ROBO1: variants seen among roughly 807,000 people sequenced by gnomAD.
The protein encoded by ROBO1 is roundabout guidance receptor 1.
ROBO1 carries 149 observed loss-of-function variants against 195.9 expected under a neutral mutation model. The ratio of observed to expected loss-of-function variants is 0.76; its 90% CI spans 0.67 to 0.87. The LOEUF (loss-of-function observed/expected upper bound fraction) is 0.87. Among genes scored for constraint, ROBO1 ranks in the 40% least tolerant of loss-of-function variants. The pLI, the probability that ROBO1 is intolerant of heterozygous loss-of-function variation, is 0.00. For synonymous variants in ROBO1, 816 were observed against 733.2 expected, an observed-to-expected ratio of 1.11 and a Z score of -1.82; for missense variants, 1,933 against 2,068.3, an observed-to-expected ratio of 0.93 and a Z score of 1.27.
intron 2 of ROBO1, among the ~76,000 whole-genome samples, chr3:79,308,543 T>C (rs914530039): frequency 2.6e-5 from 4 of 152,112 alleles, no homozygotes; most frequent in Non-Finnish European, 5.9e-5. Context: ...GAAATGGCAG[T>C]AAGCAAAGCA....
chr3:79,293,244 A>C (rs1007589235), intron 2 of ROBO1, among the ~76,000 whole-genome samples: 1 of 151,806 alleles, frequency 6.6e-6, no homozygotes, highest in African/African-American at 2.4e-5. Flanking sequence ...TATCATTTTT[A>C]TTGTGTCTAT....
intron 4 of ROBO1, among the ~76,000 whole-genome samples, chr3:78,852,728 C>G (rs1407612753): frequency 6.6e-6 from 1 of 152,006 alleles, no homozygotes; most frequent in African/African-American, 2.4e-5. Context: ...GCAATAGGAC[C>G]CTTTGAGAGA....
At chr3:79,119,348 C>T (rs1455932778) in intron 3 of ROBO1, among the ~76,000 whole-genome samples, 1 of 152,142 alleles carries the variant, frequency 6.6e-6, no homozygotes, top group Non-Finnish European at 1.5e-5. Context: ...TACCTATTGT[C>T]CATTATTATG....
intron 4 of ROBO1, among the ~76,000 whole-genome samples, chr3:78,872,153 T>C (rs529086468): frequency 6.6e-6 from 1 of 152,310 alleles, no homozygotes; most frequent in East Asian, 1.9e-4. Context: ...ACATATACTC[T>C]AGCCTGGGGA....
chr3:79,593,876 C>T (rs1944081299), intron 1 of ROBO1, among the ~76,000 whole-genome samples: 1 of 151,992 alleles, frequency 6.6e-6, no homozygotes, highest in Admixed American at 6.6e-5. Flanking sequence ...TTTGGCCTCC[C>T]AAACTGCTGG....
intron 2 of ROBO1, among the ~76,000 whole-genome samples, chr3:79,488,787 G>GAAA (rs1939294525): frequency 2.0e-5 from 3 of 152,140 alleles, no homozygotes; most frequent in African/African-American, 7.2e-5. Context: ...CTGGCGCCAT[G>GAAA]TACTTTGGAC....
chr3:78,981,777 T>G (rs1210772212), intron 3 of ROBO1, among the ~76,000 whole-genome samples: 3 of 146,188 alleles, frequency 2.1e-5, no homozygotes, highest in African/African-American at 7.9e-5. Context: ...TCCCATCCCC[T>G]GGCCCCTGCC....
rs537731082 is a variant in ROBO1, at chr3:79,336,801, G to A, written c.89-211262C>T. Among the ~76,000 whole-genome samples the A allele has an allele frequency of 7.2e-5, 11 of 152,332 alleles. 1 individual carries two copies. The East Asian group carries it at 2.1e-3, about 29-fold the overall frequency. ...AGACACTCAATGCCAGCCTGTGAAA[G>A]CAGCTGGAAGGGGGGCTGTACCCTG... On this transcript the variant is annotated intron_variant, in intron 2 of 30. Coordinates refer to ENST00000464233, the MANE Select transcript of ROBO1 (RefSeq NM_002941.4).
intron 2 of ROBO1, among the ~76,000 whole-genome samples, chr3:79,208,123 T>C (rs114392679): frequency 0.018 from 2,786 of 152,310 alleles, 84 homozygotes; most frequent in African/African-American, 0.057. Flanking sequence ...TGGTTATCCA[T>C]GATATTTAGA....
At chr3:79,767,373 G>T (rs1162604120) in intron 1 of ROBO1, among the ~76,000 whole-genome samples, 1 of 152,122 alleles carries the variant, frequency 6.6e-6, no homozygotes, top group Non-Finnish European at 1.5e-5. Flanking sequence ...GCCAAAAGCG[G>T]CACGAAACCT....
At chr3:78,821,094 T>A (rs1199812820) in intron 4 of ROBO1, among the ~76,000 whole-genome samples, 1 of 152,008 alleles carries the variant, frequency 6.6e-6, no homozygotes, top group Non-Finnish European at 1.5e-5. Flanking sequence ...GGAAAAAATA[T>A]ACATGGTGAA....
At chr3:79,647,394 A>T (rs1045461215) in intron 1 of ROBO1, among the ~76,000 whole-genome samples, 2 of 152,072 alleles carry the variant, frequency 1.3e-5, no homozygotes, top group African/African-American at 4.8e-5. Flanking sequence ...AATTTCTATG[A>T]TCCCTAAACA....
chr3:79,344,739 G>T (rs1320791744), intron 2 of ROBO1, among the ~76,000 whole-genome samples: 1 of 151,440 alleles, frequency 6.6e-6, no homozygotes, highest in Non-Finnish European at 1.5e-5. Flanking sequence ...AGAGAGAGAG[G>T]GTGATATGGT....
chr3:78,683,169 C>A (rs1473847646), intron 10 of ROBO1, among the ~76,000 whole-genome samples: 2 of 151,852 alleles, frequency 1.3e-5, no homozygotes, highest in Non-Finnish European at 2.9e-5. Flanking sequence ...AATCATGAAA[C>A]ACCTAGGTAT....
At chr3:79,277,844 C>CTAT (rs2031175661) in intron 2 of ROBO1, among the ~76,000 whole-genome samples, 1 of 151,124 alleles carries the variant, frequency 6.6e-6, no homozygotes, top group Non-Finnish European at 1.5e-5. Context: ...CAAAAGGAAA[C>CTAT]TATAGAGGGC....
chr3:78,787,810 T>A (rs952439263), intron 4 of ROBO1, among the ~76,000 whole-genome samples: 8 of 151,454 alleles, frequency 5.3e-5, no homozygotes, highest in Non-Finnish European at 1.2e-4. Flanking sequence ...TCTGATACAG[T>A]GTTGTGAGCC....
At chr3:79,137,058 G>A (rs1277491876) in intron 2 of ROBO1, among the ~76,000 whole-genome samples, 2 of 152,040 alleles carry the variant, frequency 1.3e-5, no homozygotes, top group African/African-American at 2.4e-5. Context: ...CTCCAATGTT[G>A]CTGCTATAAG....
intron 2 of ROBO1, among the ~76,000 whole-genome samples, chr3:79,287,640 G>A (rs1047904241): frequency 1.3e-5 from 2 of 151,990 alleles, no homozygotes; most frequent in African/African-American, 4.8e-5. Flanking sequence ...CCATATTAAC[G>A]TATATTATTC....
intron 2 of ROBO1, among the ~76,000 whole-genome samples, chr3:79,149,845 C>T (rs1357686439): frequency 2.0e-5 from 3 of 151,702 alleles, no homozygotes; most frequent in African/African-American, 7.3e-5. Flanking sequence ...ACGTTAGGCC[C>T]TTATAAAAGA....
Sources: allele counts gnomAD v4.1 joint callset (sites outside exome capture counted in the v4.1 genomes callset), GRCh38; gene constraint gnomAD v4.1.1; transcripts MANE v1.5; gene names NCBI Gene and HGNC (gene_info 2026-07-23, HGNC 2026-07-21).